Variants in RMDN2 observed in about 807,000 individuals in gnomAD.
The protein encoded by RMDN2 is regulator of microtubule dynamics protein 2.
RMDN2 carries 61 observed loss-of-function variants against 52.8 expected under a neutral mutation model. That is an observed-to-expected ratio of 1.16 (90% CI 0.94 to 1.43). The LOEUF (loss-of-function observed/expected upper bound fraction) is 1.43. RMDN2 is among the 40% of genes most tolerant of loss of function. The pLI is 0.00. For missense variants in RMDN2, 592 were observed against 475.3 expected, an observed-to-expected ratio of 1.25 and a Z score of -2.28; for synonymous variants, 180 against 153.1, an observed-to-expected ratio of 1.18 and a Z score of -1.30.
At chr2:37,933,123 C>T (rs1194586107) in intron 2 of RMDN2, among the ~76,000 whole-genome samples, 2 of 152,090 alleles carry the variant, frequency 1.3e-5, no homozygotes, top group Non-Finnish European at 2.9e-5. Flanking sequence ...ACGCTCCTCA[C>T]ATCCCGGACG....
At chr2:38,003,508 G>A (rs553518526) in intron 8 of RMDN2, among the ~76,000 whole-genome samples, 29 of 151,690 alleles carry the variant, frequency 1.9e-4, no homozygotes, top group Middle Eastern at 3.2e-3. Flanking sequence ...AGCTGAGATC[G>A]CGCCACTGCA....
At chr2:37,972,523 C>T (rs1188705523) in intron 2 of RMDN2, among the ~76,000 whole-genome samples, 1 of 151,930 alleles carries the variant, frequency 6.6e-6, no homozygotes, top group Non-Finnish European at 1.5e-5. Context: ...CCTTGTAGAC[C>T]CCTGAAAGGA....
Position 38,017,639 on chromosome 2 carries a change from A to C in RMDN2, c.*400A>C. The C allele has an allele frequency of 9.4e-7, 1 of 1,059,008 alleles. No homozygotes were observed. The highest frequency in any genetic ancestry group is 1.3e-6 in the Non-Finnish European group (1 of 791,744). 65.6% of individuals were successfully genotyped at this position (1,059,008 alleles called of 1,614,324 possible). A position where few individuals can be genotyped will look rare whatever the true frequency, so the allele number is the denominator to read the frequency against. ...AAAAATGGAAAACTCAGCAAAGGAC[A>C]TGAACAAGTTGTTGGCAGAAGAGGA... On this transcript the variant is annotated 3_prime_UTR_variant, in exon 11 of 11. Transcript: ENST00000354545.
chr2:37,942,252 A>G (rs116461932), intron 2 of RMDN2, among the ~76,000 whole-genome samples: 2,161 of 152,202 alleles, frequency 0.014, 47 homozygotes, highest in African/African-American at 0.049. Context: ...ACCTGTCCCA[A>G]TGAGATGCAC....
At chr2:37,950,536 G>A in intron 2 of RMDN2, 2 of 1,612,970 alleles carry the variant, frequency 1.2e-6, no homozygotes, top group South Asian at 2.2e-5. Flanking sequence ...AAGGATGACG[G>A]CCTAGAAGGG....
chr2:38,041,428 T>TAA (rs1491385371), intron 10 of RMDN2, among the ~76,000 whole-genome samples: 2 of 18,710 alleles, frequency 1.1e-4, no homozygotes, highest in African/African-American at 6.4e-4. Flanking sequence ...TTTTTATTGG[T>TAA]TTTTTTTTTT....
intron 10 of RMDN2, among the ~76,000 whole-genome samples, chr2:38,011,166 C>T (rs1426571927): frequency 2.6e-5 from 4 of 152,224 alleles, no homozygotes; most frequent in South Asian, 2.1e-4. Flanking sequence ...CCTCAATTCA[C>T]AGCAGGTGTG....
chr2:37,929,161 G>T, intron 1 of RMDN2, 101 bp from the exon 2 acceptor site: 2 of 669,984 alleles, frequency 3.0e-6, no homozygotes, highest in Non-Finnish European at 5.1e-6. Flanking sequence ...TGTAAATCCT[G>T]TGATGTAAAC....
intron 2 of RMDN2, among the ~76,000 whole-genome samples, chr2:37,972,868 G>C (rs1416892305): frequency 3.9e-5 from 6 of 152,218 alleles, no homozygotes; most frequent in Admixed American, 1.3e-4. Context: ...AATTGGAAGA[G>C]TAGAGTTTCC....
At chr2:38,062,286 T>C (rs1403828191) in intron 10 of RMDN2, among the ~76,000 whole-genome samples, 3 of 152,220 alleles carry the variant, frequency 2.0e-5, no homozygotes, top group Non-Finnish European at 2.9e-5. Flanking sequence ...GACACTTTTG[T>C]CTCTCAGAGG....
chr2:38,057,710 G>A (rs576735733), intron 10 of RMDN2, among the ~76,000 whole-genome samples: 1 of 152,268 alleles, frequency 6.6e-6, no homozygotes, highest in East Asian at 1.9e-4. Context: ...CTCATGAATG[G>A]TTCAGTACCA....
At chr2:38,040,302 A>G (rs1680876688) in intron 10 of RMDN2, among the ~76,000 whole-genome samples, 1 of 152,068 alleles carries the variant, frequency 6.6e-6, no homozygotes, top group African/African-American at 2.4e-5. Context: ...TATGGTCTGC[A>G]TGTTGGCATC....
intron 1 of RMDN2, among the ~76,000 whole-genome samples, chr2:37,927,423 T>C (rs2124879609): frequency 6.6e-6 from 1 of 152,342 alleles, no homozygotes; most frequent in Non-Finnish European, 1.5e-5. Flanking sequence ...TTGGAATTGG[T>C]GCAGTTCCTA....
chr2:37,969,122 C>T (rs1414101340), intron 2 of RMDN2, among the ~76,000 whole-genome samples: 2 of 151,762 alleles, frequency 1.3e-5, no homozygotes, highest in Non-Finnish European at 2.9e-5. Context: ...ATACCAATAC[C>T]ACATTGACCC....
intron 2 of RMDN2, chr2:37,952,542 A>C (rs1668968580): frequency 2.6e-6 from 1 of 385,652 alleles, no homozygotes; most frequent in African/African-American, 2.1e-5. Context: ...TGGACTTTCT[A>C]AAAGTAATAC....
At chr2:37,972,879 G>C (rs1483433945) in intron 2 of RMDN2, among the ~76,000 whole-genome samples, 1 of 152,190 alleles carries the variant, frequency 6.6e-6, no homozygotes, top group African/African-American at 2.4e-5. Context: ...TAGAGTTTCC[G>C]TTAGTAAAGA....
At chr2:38,020,499 G>A (rs942784659), downstream of RMDN2, among the ~76,000 whole-genome samples, 1 of 152,248 alleles carries the variant, frequency 6.6e-6, no homozygotes, top group African/African-American at 2.4e-5. Context: ...CTCAGCCTGC[G>A]GGGAGGTGTG....
intron 2 of RMDN2, among the ~76,000 whole-genome samples, chr2:37,936,807 G>A (rs530038581): frequency 3.9e-5 from 6 of 152,210 alleles, no homozygotes; most frequent in South Asian, 2.1e-4. Context: ...TTTGTCAGAC[G>A]AATAGATTGC....
intron 2 of RMDN2, among the ~76,000 whole-genome samples, chr2:37,965,113 G>A (rs977319202): frequency 6.6e-6 from 1 of 152,120 alleles, no homozygotes; most frequent in East Asian, 1.9e-4. Flanking sequence ...ACATATGTGT[G>A]TTTTTAGATC....
Sources: allele counts gnomAD v4.1 joint callset (sites outside exome capture counted in the v4.1 genomes callset), GRCh38; gene constraint gnomAD v4.1.1; transcripts MANE v1.5; gene names NCBI Gene and HGNC (gene_info 2026-07-23, HGNC 2026-07-21).